PDE3A: variants seen among roughly 807,000 people sequenced by gnomAD.
The protein encoded by PDE3A is cGMP-inhibited 3',5'-cyclic phosphodiesterase 3A.
Under a neutral mutation model 98.3 loss-of-function variants are expected in PDE3A, and 43 were observed. The ratio of observed to expected loss-of-function variants is 0.44; its 90% confidence interval spans 0.34 to 0.56. The LOEUF (loss-of-function observed/expected upper bound fraction) is 0.56. Ranked by LOEUF, PDE3A falls within the 20% of genes least tolerant of loss-of-function variation. The pLI is 0.01. For synonymous variants in PDE3A, 663 were observed against 567.9 expected (o/e 1.17, Z -2.38); for missense variants, 1,427 against 1,440.7 (o/e 0.99, Z 0.15).
At chr12:20,629,886 C>T in intron 5 of PDE3A, 22 bp from the exon 6 acceptor site, 2 of 1,571,048 alleles carry the variant, frequency 1.3e-6, no homozygotes, top group Non-Finnish European at 1.8e-6. Context: ...TGTTTAGTTA[C>T]TTAACTCTCA....
At chr12:20,560,556 T>C (rs991971217) in intron 2 of PDE3A, among the ~76,000 whole-genome samples, 11 of 152,224 alleles carry the variant, frequency 7.2e-5, no homozygotes, top group African/African-American at 9.6e-5. Context: ...TAGTGTAAGA[T>C]ACCAGAAGAG....
At chr12:20,600,674 C>A (rs753513093) in intron 2 of PDE3A, among the ~76,000 whole-genome samples, 1 of 152,154 alleles carries the variant, frequency 6.6e-6, no homozygotes, top group Non-Finnish European at 1.5e-5. Flanking sequence ...CTTTTTGTGT[C>A]AGTACTATTA....
intron 1 of PDE3A, among the ~76,000 whole-genome samples, chr12:20,505,050 A>G (rs946336893): frequency 3.3e-5 from 5 of 152,082 alleles, no homozygotes; most frequent in African/African-American, 9.7e-5. Flanking sequence ...TTGCTTAGCA[A>G]ATACAAGTGC....
intron 1 of PDE3A, among the ~76,000 whole-genome samples, chr12:20,391,629 A>G (rs2120611220): frequency 6.6e-6 from 1 of 151,526 alleles, no homozygotes; most frequent in South Asian, 2.1e-4. Context: ...CCTGAAAAAC[A>G]TCAGTGCTGT....
intron 2 of PDE3A, among the ~76,000 whole-genome samples, chr12:20,582,789 A>G (rs1467291066): frequency 6.6e-6 from 1 of 152,184 alleles, no homozygotes; most frequent in African/African-American, 2.4e-5. Context: ...CTCAAAAACA[A>G]GTGCACTGGT....
At chr12:20,470,855 G>A (rs1047142717) in intron 1 of PDE3A, among the ~76,000 whole-genome samples, 8 of 152,148 alleles carry the variant, frequency 5.3e-5, no homozygotes, top group Non-Finnish European at 8.8e-5. Flanking sequence ...CAGGCAGTTA[G>A]GTGTAGATGA....
rs1002119736 is a variant in PDE3A at position 20,369,461 on chromosome 12, G to A, written c.177G>A (p.Arg59=). 8 of 1,556,420 alleles carry A rather than the reference G, an allele frequency of 5.1e-6. No homozygotes were observed. The African/African-American group carries it at 9.5e-5, about 19-fold the overall frequency. The change falls in exon 1 of 16, where the codon CGG becomes CGA. Residue 59 remains arginine, a synonymous_variant. Coordinates refer to ENST00000359062, the MANE Select transcript of PDE3A (RefSeq NM_000921.5). ...DLVLQPLRSS[R]KLSSALCAGS... ...TGCTGCAGCCGCTCCGGAGCTCTCG[G>A]AAACTTTCCTCCGCGCTGTGCGCGG...
intron 1 of PDE3A, among the ~76,000 whole-genome samples, chr12:20,409,579 TG>T (rs1295374181): frequency 1.3e-5 from 2 of 152,290 alleles, no homozygotes; most frequent in African/African-American, 4.8e-5. Flanking sequence ...ATAAAGTCGC[TG>T]AATAAAAATA....
intron 1 of PDE3A, among the ~76,000 whole-genome samples, chr12:20,539,606 A>G (rs1941843377): frequency 6.6e-6 from 1 of 152,096 alleles, no homozygotes; most frequent in South Asian, 2.1e-4. Context: ...TTGGTGCAGG[A>G]TAGGTGCTCA....
chr12:20,557,222 G>A (rs1942391406), intron 2 of PDE3A: 1 of 155,830 alleles, frequency 6.4e-6, no homozygotes, highest in South Asian at 2.0e-4. Flanking sequence ...TATTACCAGA[G>A]TGTTTTCATT....
At chr12:20,513,638 A>C (rs987642148) in intron 1 of PDE3A, among the ~76,000 whole-genome samples, 2 of 152,138 alleles carry the variant, frequency 1.3e-5, no homozygotes, top group African/African-American at 4.8e-5. Flanking sequence ...TAGCATTTTC[A>C]AGATTTTCAG....
chr12:20,570,438 A>AAAAAAAAGG (rs869268302), intron 2 of PDE3A, among the ~76,000 whole-genome samples: 1 of 138,510 alleles, frequency 7.2e-6, no homozygotes, highest in Admixed American at 7.3e-5. Flanking sequence ...AAAAAAAAAA[A>AAAAAAAAGG]GGTGTAAAGG....
At chr12:20,410,955 C>G (rs540418767) in intron 1 of PDE3A, among the ~76,000 whole-genome samples, 2 of 152,208 alleles carry the variant, frequency 1.3e-5, no homozygotes, top group South Asian at 2.1e-4. Flanking sequence ...TTAGATGTCC[C>G]CATCAAACGT....
chr12:20,373,447 G>A lies in PDE3A; in HGVS notation c.960+3203G>A, dbSNP rs143558012. On this transcript the variant is annotated intron_variant, in intron 1 of 15. Transcript: ENST00000359062. Reference sequence around the variant, plus strand: ...CATGATTAATATGTTATTTTTCAATGTAAAATTTTAATTTTGCAATTTTTT... The same window carrying A: ...CATGATTAATATGTTATTTTTCAATATAAAATTTTAATTTTGCAATTTTTT... 4.0e-3 allele frequency among the ~76,000 whole-genome samples: 614 copies of A among 152,170 alleles called. 5 individuals carry two copies. The highest frequency in any genetic ancestry group is 0.014 in the African/African-American group (590 of 41,530).
intron 6 of PDE3A, among the ~76,000 whole-genome samples, chr12:20,633,456 G>T (rs1314757310): frequency 6.6e-6 from 1 of 152,152 alleles, no homozygotes; most frequent in Non-Finnish European, 1.5e-5. Context: ...GGAGGAGAAT[G>T]AGAGTCAAAT....
intron 1 of PDE3A, among the ~76,000 whole-genome samples, chr12:20,434,770 CT>C (rs965191909): frequency 6.6e-6 from 1 of 152,150 alleles, no homozygotes; most frequent in African/African-American, 2.4e-5. Context: ...TGAGCCTTGG[CT>C]TTCCCTTATT....
chr12:20,417,254 G>A (rs1944436062), intron 1 of PDE3A, among the ~76,000 whole-genome samples: 1 of 152,100 alleles, frequency 6.6e-6, no homozygotes, highest in Non-Finnish European at 1.5e-5. Context: ...ATACATTGCA[G>A]TACACAAAAG....
At chr12:20,673,750 A>T (rs1391931461) in intron 15 of PDE3A, among the ~76,000 whole-genome samples, 1 of 148,234 alleles carries the variant, frequency 6.7e-6, no homozygotes, top group Non-Finnish European at 1.5e-5. Flanking sequence ...CTAATGCTAG[A>T]TGACGAGTTA....
At chr12:20,392,039 G>T (rs886175101) in intron 1 of PDE3A, among the ~76,000 whole-genome samples, 1 of 151,912 alleles carries the variant, frequency 6.6e-6, no homozygotes, top group Non-Finnish European at 1.5e-5. Flanking sequence ...TAGTTAATGA[G>T]ACCCTTAACA....
Sources: allele counts gnomAD v4.1 joint callset (sites outside exome capture counted in the v4.1 genomes callset), GRCh38; gene constraint gnomAD v4.1.1; transcripts MANE v1.5; gene names NCBI Gene and HGNC (gene_info 2026-07-23, HGNC 2026-07-21).